ASTN1: variants seen among roughly 807,000 people sequenced by gnomAD.
The protein encoded by ASTN1 is astrotactin 1.
ASTN1 carries 41 observed loss-of-function variants against 140.7 expected under a neutral mutation model. That is an observed-to-expected ratio of 0.29 (90% CI 0.23 to 0.38). The LOEUF (loss-of-function observed/expected upper bound fraction) is 0.38, where lower values mean the gene tolerates loss of function less well. ASTN1 is among the 10% of genes least tolerant of loss of function. The pLI, the probability that ASTN1 is intolerant of heterozygous loss-of-function variation, is 1.00. For missense variants in ASTN1, 1,479 were observed against 1,678.8 expected, an observed-to-expected ratio of 0.88 and a Z score of 2.08; for synonymous variants, 640 against 652.2, an observed-to-expected ratio of 0.98 and a Z score of 0.29.
chr1:176,962,775 G>A (rs1201415581), intron 9 of ASTN1, among the ~76,000 whole-genome samples: 7 of 152,096 alleles, frequency 4.6e-5, no homozygotes, highest in Non-Finnish European at 7.4e-5. Context: ...GTTTGCTCTG[G>A]GTATGATCAT....
intron 1 of ASTN1, among the ~76,000 whole-genome samples, chr1:177,102,909 C>T (rs867376708): frequency 6.6e-6 from 1 of 152,172 alleles, no homozygotes; most frequent in Non-Finnish European, 1.5e-5. Flanking sequence ...AGATATATTG[C>T]TTTGAGTTAT....
At chr1:177,061,041 G>A in intron 2 of ASTN1, 37 bp downstream of exon 2, 1 of 1,486,970 alleles carries the variant, frequency 6.7e-7, no homozygotes. Flanking sequence ...GGTAACATAA[G>A]CTATGGCCTG....
intron 6 of ASTN1, among the ~76,000 whole-genome samples, chr1:177,024,116 C>T (rs1230587967): frequency 6.6e-6 from 1 of 152,178 alleles, no homozygotes; most frequent in Non-Finnish European, 1.5e-5. Flanking sequence ...TATTGGGGTC[C>T]CCCTGGATGA....
At chr1:177,075,456 C>T (rs1326698858) in intron 1 of ASTN1, among the ~76,000 whole-genome samples, 3 of 150,126 alleles carry the variant, frequency 2.0e-5, no homozygotes, top group Non-Finnish European at 4.4e-5. Context: ...AGTAGCTTTG[C>T]TTTCTTTGCT....
chr1:177,004,895 A>G (rs1674916455), intron 8 of ASTN1, among the ~76,000 whole-genome samples: 2 of 152,186 alleles, frequency 1.3e-5, no homozygotes, highest in African/African-American at 4.8e-5. Flanking sequence ...CCTAGGGAAA[A>G]CCATCTGGAC....
rs551469721 is a variant in ASTN1 at position 176,959,006 on chromosome 1, C to T, written c.1599-524G>A. ...AGAGCCTCCAGGGAGGAGAGAAGAG[C>T]AGATGAACAAATGAACAAAACAGGC... On this transcript the variant is annotated intron_variant, in intron 9 of 22. Coordinates refer to ENST00000361833, the MANE Select transcript of ASTN1 (RefSeq NM_004319.3). Among the ~76,000 whole-genome samples the T allele has an allele frequency of 4.6e-5, 7 of 152,252 alleles. No homozygotes were observed. In the South Asian group the frequency reaches 1.5e-3, roughly 32 times the overall value.
intron 1 of ASTN1, among the ~76,000 whole-genome samples, chr1:177,148,334 C>A (rs7513002): frequency 6.6e-6 from 1 of 150,902 alleles, no homozygotes; most frequent in Non-Finnish European, 1.5e-5. Flanking sequence ...AGGAGAATGG[C>A]GTGAACCCGG....
chr1:177,126,456 T>C (rs1009147602), intron 1 of ASTN1, among the ~76,000 whole-genome samples: 1 of 152,196 alleles, frequency 6.6e-6, no homozygotes, highest in Non-Finnish European at 1.5e-5. Context: ...GGGTCTGAGA[T>C]CTGGCTTGCT....
At chr1:176,893,880 T>G (rs1669375955) in intron 17 of ASTN1, among the ~76,000 whole-genome samples, 2 of 152,252 alleles carry the variant, frequency 1.3e-5, no homozygotes, top group Admixed American at 1.3e-4. Flanking sequence ...AGCTATGGCT[T>G]CTGACACAGT....
At chr1:177,025,535 T>C (rs1210394357) in intron 5 of ASTN1, among the ~76,000 whole-genome samples, 4 of 152,052 alleles carry the variant, frequency 2.6e-5, no homozygotes, top group Non-Finnish European at 5.9e-5. Context: ...CTTATGCTTA[T>C]GGAAGCAGAA....
intron 1 of ASTN1, among the ~76,000 whole-genome samples, chr1:177,139,601 A>G (rs1186909503): frequency 6.6e-6 from 1 of 152,224 alleles, no homozygotes; most frequent in African/African-American, 2.4e-5. Flanking sequence ...GCAATCTATT[A>G]GAAATAAGGG....
chr1:176,857,726 G>A (rs1402842018), downstream of ASTN1: 2 of 431,248 alleles, frequency 4.6e-6, no homozygotes, highest in Non-Finnish European at 8.4e-6. Flanking sequence ...ACAGAACAGT[G>A]GAAGGTTGGA....
At chr1:176,949,402 T>A in intron 11 of ASTN1, 51 bp from the exon 12 acceptor site, 1 of 1,570,714 alleles carries the variant, frequency 6.4e-7, no homozygotes, top group Non-Finnish European at 8.7e-7. Context: ...GGGAACTGAG[T>A]TCTCTGGGAA....
intron 7 of ASTN1, 38 bp from the exon 8 acceptor site, chr1:177,014,913 A>T: frequency 1.3e-6 from 2 of 1,547,098 alleles, no homozygotes; most frequent in South Asian, 1.1e-5. Context: ...GAGAAACATG[A>T]AGGAATTGAT....
At chr1:177,014,398 G>A (rs78503074) in intron 8 of ASTN1, among the ~76,000 whole-genome samples, 2 of 152,266 alleles carry the variant, frequency 1.3e-5, no homozygotes, top group South Asian at 2.1e-4. Context: ...TTCCACTCAT[G>A]TCAGTCTTGC....
chr1:176,957,156 G>A (rs75817872), intron 11 of ASTN1, among the ~76,000 whole-genome samples: 3,788 of 151,838 alleles, frequency 0.025, 63 homozygotes, highest in South Asian at 0.042. Context: ...CTCTCATCTC[G>A]GCCTCCCAAA....
At chr1:176,904,142 G>A (rs1264287436) in intron 16 of ASTN1, among the ~76,000 whole-genome samples, 1 of 152,166 alleles carries the variant, frequency 6.6e-6, no homozygotes, top group Non-Finnish European at 1.5e-5. Context: ...TTCCAGCCAC[G>A]ACAGTGTCCA....
At position 176,930,809 on chromosome 1, in the gene ASTN1, A is replaced by G. The variant is rs142456072; in HGVS notation, c.2671+3343T>C. Among the ~76,000 whole-genome samples, 3 of 152,318 alleles carry G rather than the reference A, an allele frequency of 2.0e-5. No homozygotes were observed. In the East Asian group the frequency reaches 5.8e-4, roughly 29 times the overall value. ...GAGGAAGTAGAGAAAAGAGGTATAAACTACCCTTGTAAGAAATGAGGTGCT... is the reference window on the plus strand; with the variant it reads ...GAGGAAGTAGAGAAAAGAGGTATAAGCTACCCTTGTAAGAAATGAGGTGCT... On this transcript the variant is annotated intron_variant, in intron 16 of 22. Transcript: ENST00000361833.
chr1:177,130,520 G>A (rs1475050820), intron 1 of ASTN1, among the ~76,000 whole-genome samples: 2 of 152,102 alleles, frequency 1.3e-5, no homozygotes, highest in Non-Finnish European at 2.9e-5. Flanking sequence ...GAAAAATACC[G>A]TGCTTCACCT....
Sources: gnomAD v4.1 joint callset for allele counts (sites outside exome capture counted in the v4.1 genomes callset) on GRCh38, gnomAD v4.1.1 for gene constraint, MANE v1.5 for transcripts, NCBI Gene and HGNC (gene_info 2026-07-23, HGNC 2026-07-21) for gene names.